Variants in ERP44 observed in about 807,000 individuals in gnomAD.
ERP44 encodes the protein endoplasmic reticulum resident protein 44.
In ERP44, 25 loss-of-function variants were observed where a neutral mutation model predicts 53.4. That is an observed-to-expected ratio of 0.47 (90% CI 0.34 to 0.65). The LOEUF (loss-of-function observed/expected upper bound fraction) is 0.65, where lower values mean the gene tolerates loss of function less well. Ranked by LOEUF, ERP44 falls within the 30% of genes least tolerant of loss-of-function variation. ERP44 has a pLI of 0.01. For missense variants in ERP44, 338 were observed against 493.2 expected (o/e 0.69, Z 2.98); for synonymous variants, 145 against 161.2 (o/e 0.90, Z 0.76).
chr9:100,024,492 C>T (rs1830631138), intron 4 of ERP44, among the ~76,000 whole-genome samples: 1 of 150,284 alleles, frequency 6.7e-6, no homozygotes, highest in Non-Finnish European at 1.5e-5. Context: ...ATAGTTGTCT[C>T]TCCTCTACCC....
At chr9:100,025,714 T>C (rs1378824197) in intron 4 of ERP44, among the ~76,000 whole-genome samples, 1 of 152,140 alleles carries the variant, frequency 6.6e-6, no homozygotes, top group Non-Finnish European at 1.5e-5. Flanking sequence ...GCTTTCATGC[T>C]GAGATCAAAA....
chr9:100,087,550 C>CT (rs1405169873), intron 1 of ERP44, among the ~76,000 whole-genome samples: 1 of 152,172 alleles, frequency 6.6e-6, no homozygotes, highest in East Asian at 1.9e-4. Context: ...TTATAATGCA[C>CT]TACAGACACA....
chr9:100,082,410 A>G (rs1352008076), intron 1 of ERP44, among the ~76,000 whole-genome samples: 6 of 151,742 alleles, frequency 4.0e-5, no homozygotes, highest in African/African-American at 1.4e-4. Flanking sequence ...ATATATGCAG[A>G]AAAAAGGAAC....
chr9:100,041,754 A>G (rs184168011), intron 4 of ERP44, among the ~76,000 whole-genome samples: 3 of 152,298 alleles, frequency 2.0e-5, no homozygotes, highest in Admixed American at 2.0e-4. Flanking sequence ...AAATCCATAT[A>G]TCTACAGTGA....
intron 4 of ERP44, among the ~76,000 whole-genome samples, chr9:100,025,045 C>T (rs769583979): frequency 3.6e-4 from 55 of 152,096 alleles, no homozygotes; most frequent in Non-Finnish European, 5.1e-4. Flanking sequence ...GAGGTTTGCT[C>T]GAGCCCAGGA....
At chr9:100,061,928 T>G (rs144478305) in intron 1 of ERP44, among the ~76,000 whole-genome samples, 1 of 152,292 alleles carries the variant, frequency 6.6e-6, no homozygotes, top group Admixed American at 6.5e-5. Flanking sequence ...TTTGAGGAAA[T>G]AGCAGAAGCA....
At chr9:99,994,923 A>C (rs1830295160) in intron 10 of ERP44, among the ~76,000 whole-genome samples, 1 of 152,236 alleles carries the variant, frequency 6.6e-6, no homozygotes, top group Non-Finnish European at 1.5e-5. Flanking sequence ...CTGGGATCAC[A>C]TTAAATTTAT....
intron 1 of ERP44, among the ~76,000 whole-genome samples, chr9:100,069,832 C>A (rs754460872): frequency 3.3e-5 from 5 of 152,108 alleles, no homozygotes; most frequent in Non-Finnish European, 5.9e-5. Context: ...CATACTTTTT[C>A]TTGAATTTTA....
chr9:99,981,225 T>C lies in ERP44; in HGVS notation c.*1387A>G, dbSNP rs1195751893. ...CCCCTTATCACCTTATTAACATTTA[T>C]TATTTTGAATAAAACTATGGAAACT... is the stretch of plus-strand genomic sequence containing the variant. On this transcript the variant is annotated 3_prime_UTR_variant, in exon 12 of 12. Coordinates refer to ENST00000262455, the MANE Select transcript of ERP44 (RefSeq NM_015051.3). The C allele has an allele frequency of 6.6e-6, 1 of 152,220 alleles. No homozygotes were observed. Among genetic ancestry groups the C allele is most frequent in the African/African-American group, 2.4e-5 (1 of 41,452 alleles). 9.4% of individuals were successfully genotyped at this position (152,220 alleles called of 1,614,324 possible). A position where few individuals can be genotyped will look rare whatever the true frequency, so the allele number is the denominator to read the frequency against.
intron 11 of ERP44, among the ~76,000 whole-genome samples, chr9:99,983,208 G>A (rs938389312): frequency 2.0e-5 from 3 of 152,202 alleles, no homozygotes; most frequent in Admixed American, 1.3e-4. Flanking sequence ...ATTAATTTCT[G>A]TAGTATTTTA....
chr9:100,074,959 C>A (rs768627684), intron 1 of ERP44, among the ~76,000 whole-genome samples: 8 of 152,196 alleles, frequency 5.3e-5, no homozygotes, highest in Non-Finnish European at 1.0e-4. Flanking sequence ...GCAGAACCCC[C>A]ACATTGGCTC....
At position 100,020,605 on chromosome 9, in the gene ERP44, A is replaced by G; in HGVS notation, c.587+11T>C. ...CCAACCCACTAACACACTTTTAAAT[A>G]AGATACTTACCCAAATGCAGAAAGA... On this transcript the variant is annotated intron_variant, in intron 6 of 11. Transcript: ENST00000262455. The G allele has an allele frequency of 6.9e-7, 1 of 1,458,842 alleles. No individual in the cohort carries two copies. The highest frequency in any genetic ancestry group is 9.6e-7 in the Non-Finnish European group (1 of 1,040,002). The allele number at this position is 1,458,842 out of a possible 1,614,324, so 90.4% of individuals were successfully genotyped here. A position where few individuals can be genotyped will look rare whatever the true frequency, so the allele number is the denominator to read the frequency against.
intron 8 of ERP44, among the ~76,000 whole-genome samples, chr9:100,009,267 A>G (rs1830448667): frequency 1.3e-5 from 2 of 152,096 alleles, no homozygotes; most frequent in African/African-American, 4.8e-5. Context: ...GCACATCACC[A>G]TGCCCAGCTA....
chr9:100,072,787 C>T (rs1335092532), intron 1 of ERP44, among the ~76,000 whole-genome samples: 1 of 152,184 alleles, frequency 6.6e-6, no homozygotes, highest in East Asian at 1.9e-4. Context: ...TCTCGAAGTG[C>T]TGGGATTACA....
chr9:100,021,599 A>G (rs867443881), intron 5 of ERP44, among the ~76,000 whole-genome samples: 1 of 152,210 alleles, frequency 6.6e-6, no homozygotes, highest in African/African-American at 2.4e-5. Context: ...TCTTTAAAAC[A>G]CTACCTAGTG....
rs778184987 is a variant in ERP44 at position 100,006,624 on chromosome 9, C to T, written c.898G>A (p.Asp300Asn). 10 of 1,599,362 alleles carry T rather than the reference C, an allele frequency of 6.3e-6. No homozygotes were observed. Among genetic ancestry groups the T allele is most frequent in the South Asian group, 3.4e-5 (3 of 87,176 alleles). Residue 300 changes from aspartate (D) to asparagine (N), a missense_variant, in exon 10 of 12, where the codon GAT (aspartate) becomes AAT (asparagine). Coordinates refer to ENST00000262455, the MANE Select transcript of ERP44 (RefSeq NM_015051.3). The part of the protein sequence containing the change: ...EKGTINFLHA[D>N]CDKFRHPLLH... ...AGAGGATGTCTAAATTTGTCACAAT[C>T]GGCATGTAAAAAGTTTATTGTACCT...
chr9:100,015,512 TG>T (rs1830517981), intron 8 of ERP44, among the ~76,000 whole-genome samples: 1 of 152,234 alleles, frequency 6.6e-6, no homozygotes, highest in Non-Finnish European at 1.5e-5. Context: ...TGATTTCAGA[TG>T]CATGGGATGA....
chr9:100,006,490 C>T lies in ERP44; in HGVS notation c.1016+16G>A. The T allele has an allele frequency of 6.3e-7, 1 of 1,578,180 alleles. No individual in the cohort carries two copies. The highest frequency in any genetic ancestry group is 8.6e-7 in the Non-Finnish European group (1 of 1,161,360). On this transcript the variant is annotated intron_variant, in intron 10 of 11. Transcript: ENST00000262455. ...AAACATATCAGTAATTTTTAAAAAACAAAATGAATACTCACAATACATCTT... is the reference window on the plus strand; with the variant it reads ...AAACATATCAGTAATTTTTAAAAAATAAAATGAATACTCACAATACATCTT...
chr9:100,012,936 C>T (rs368142510), intron 8 of ERP44, among the ~76,000 whole-genome samples: 1 of 151,972 alleles, frequency 6.6e-6, no homozygotes, highest in Non-Finnish European at 1.5e-5. Context: ...TTCTTTTTGC[C>T]TTATATATCC....
Sources: gnomAD v4.1 joint callset for allele counts (sites outside exome capture counted in the v4.1 genomes callset) on GRCh38, gnomAD v4.1.1 for gene constraint, MANE v1.5 for transcripts, NCBI Gene and HGNC (gene_info 2026-07-23, HGNC 2026-07-21) for gene names.